SLC25A40: variants seen among roughly 807,000 people sequenced by gnomAD.
SLC25A40 encodes mitochondrial glutathione transporter SLC25A40.
In SLC25A40, 41 loss-of-function variants were observed where a neutral mutation model predicts 46.5. The observed-to-expected ratio is 0.88, with a 90% CI of 0.69 to 1.14. SLC25A40 has a LOEUF of 1.14. Ranked by LOEUF, SLC25A40 falls within the 50% of genes most tolerant of loss-of-function variation. The probability of loss-of-function intolerance (pLI) is 0.00; values close to 1 mark genes in which losing one functional copy is unlikely to be tolerated. For missense variants in SLC25A40, 386 were observed against 393.6 expected, an observed-to-expected ratio of 0.98 and a Z score of 0.16; for synonymous variants, 126 against 127.5, an observed-to-expected ratio of 0.99 and a Z score of 0.08.
intron 3 of SLC25A40, among the ~76,000 whole-genome samples, chr7:87,858,272 C>T (rs1280073526): frequency 6.6e-6 from 1 of 152,166 alleles, no homozygotes; most frequent in East Asian, 1.9e-4. Flanking sequence ...TATCAGGAGT[C>T]TGTGATTTTG....
chr7:87,862,304 G>A (rs983875220), intron 1 of SLC25A40, among the ~76,000 whole-genome samples: 1 of 152,126 alleles, frequency 6.6e-6, no homozygotes, highest in Non-Finnish European at 1.5e-5. Flanking sequence ...GAAATGTTCT[G>A]CAAGAACAGC....
intron 1 of SLC25A40, among the ~76,000 whole-genome samples, chr7:87,871,557 T>C (rs1185169327): frequency 6.6e-6 from 1 of 152,256 alleles, no homozygotes; most frequent in East Asian, 1.9e-4. Context: ...GAATAATTTG[T>C]TATACAGCAA....
intron 5 of SLC25A40, 37 bp downstream of exon 5, chr7:87,854,167 A>C (rs1838563793): frequency 2.2e-6 from 3 of 1,337,950 alleles, no homozygotes; most frequent in Non-Finnish European, 3.2e-6. Context: ...ATTAAATAGA[A>C]AATATACTGT....
At position 87,851,800 on chromosome 7, in the gene SLC25A40, T is replaced by C. The variant is rs557861051; in HGVS notation, c.265-1852A>G. Among the ~76,000 whole-genome samples, 52 of 152,146 alleles carry C rather than the reference T, an allele frequency of 3.4e-4. No individual in the cohort carries two copies. In the South Asian group the frequency reaches 0.011, roughly 31 times the overall value. On this transcript the variant is annotated intron_variant, in intron 5 of 11. Coordinates refer to ENST00000341119, the MANE Select transcript of SLC25A40 (RefSeq NM_018843.4). ...CATCCTTTCTTCCCCATGGAAGCAA[T>C]GACAGAAAAAGACAGCTAAAATAGA...
chr7:87,840,364 T>G (rs1201468152), intron 10 of SLC25A40, among the ~76,000 whole-genome samples: 2 of 151,690 alleles, frequency 1.3e-5, no homozygotes, highest in Admixed American at 1.3e-4. Flanking sequence ...GCTGTAGGTA[T>G]ATTGAATAAG....
intron 1 of SLC25A40, among the ~76,000 whole-genome samples, chr7:87,865,014 G>A (rs891839321): frequency 1.6e-4 from 23 of 145,828 alleles, no homozygotes; most frequent in African/African-American, 4.6e-4. Context: ...TCCTGCTCTG[G>A]TGCCCAAACT....
At position 87,847,865 on chromosome 7, in the gene SLC25A40, T is replaced by C. The variant is rs1838445212; in HGVS notation, c.445A>G (p.Ile149Val). The C allele has an allele frequency of 6.2e-7, 1 of 1,608,610 alleles. No individual in the cohort carries two copies. Among genetic ancestry groups the C allele is most frequent in the East Asian group, 2.2e-5 (1 of 44,642 alleles). ...NETCIPIVAG[I>V]VARFGAVTVI... is the part of the protein sequence containing the mutation. ...ATTTATTACTCACATCTGGCTACAATTCCAGCAACAATTGGTATGCAGGTT... is the reference window on the plus strand; with the variant it reads ...ATTTATTACTCACATCTGGCTACAACTCCAGCAACAATTGGTATGCAGGTT... The change falls in exon 7 of 12, where the codon ATT becomes GTT. Residue 149 changes from isoleucine to valine, a missense_variant. By Grantham distance (29) the Ile-to-Val change is conservative (BLOSUM62 3). Coordinates refer to ENST00000341119, the MANE Select transcript of SLC25A40 (RefSeq NM_018843.4).
intron 5 of SLC25A40, among the ~76,000 whole-genome samples, chr7:87,850,281 A>T (rs1838488271): frequency 6.6e-6 from 1 of 152,242 alleles, no homozygotes; most frequent in Non-Finnish European, 1.5e-5. Flanking sequence ...TTGCTTAAGT[A>T]TGAAATTAGA....
At chr7:87,864,222 A>T (rs1442663208) in intron 1 of SLC25A40, among the ~76,000 whole-genome samples, 1 of 152,190 alleles carries the variant, frequency 6.6e-6, no homozygotes, top group Non-Finnish European at 1.5e-5. Flanking sequence ...TAAAAATTTA[A>T]TTGATATGTA....
chr7:87,854,310 C>A lies in SLC25A40; in HGVS notation c.158G>T (p.Gly53Val). Residue 53 changes from glycine to valine, a missense_variant and splice_region_variant, in exon 5 of 12, where the codon GGA becomes GTA. Physicochemically the swap from Gly to Val is moderately radical, Grantham distance 109 (BLOSUM62 -3). Transcript: ENST00000341119. ...LQAQNNPLPKGKCFVYSNGLM... is the reference protein window; with the variant it reads ...LQAQNNPLPKVKCFVYSNGLM... Reference sequence around the variant, plus strand: ...TCCATTACTATATACAAAACATTTTCCTAACAAAGAAGATTCCAACAACCA... The same window carrying A: ...TCCATTACTATATACAAAACATTTTACTAACAAAGAAGATTCCAACAACCA... 1 of 1,584,310 alleles carries A rather than the reference C, an allele frequency of 6.3e-7. No individual in the cohort carries two copies. The highest frequency in any genetic ancestry group is 8.6e-7 in the Non-Finnish European group (1 of 1,161,392).
At chr7:87,851,450 G>A (rs551230456) in intron 5 of SLC25A40, among the ~76,000 whole-genome samples, 37 of 152,102 alleles carry the variant, frequency 2.4e-4, no homozygotes, top group Admixed American at 1.6e-3. Flanking sequence ...TATCAGCAAA[G>A]GCCAAGTAGG....
chr7:87,838,254 T>C (rs998045729), intron 10 of SLC25A40, among the ~76,000 whole-genome samples: 1 of 151,552 alleles, frequency 6.6e-6, no homozygotes, highest in Non-Finnish European at 1.5e-5. Context: ...AATTATTTCA[T>C]TTAAATTTTA....
chr7:87,874,295 T>TGCAAATAAGACA (rs1838941545), intron 1 of SLC25A40, among the ~76,000 whole-genome samples: 1 of 152,182 alleles, frequency 6.6e-6, no homozygotes, highest in Admixed American at 6.5e-5. Context: ...AATTCATCTT[T>TGCAAATAAGACA]CACAAGACCA....
At chr7:87,850,164 T>C (rs1254951709) in intron 5 of SLC25A40, among the ~76,000 whole-genome samples, 2 of 152,120 alleles carry the variant, frequency 1.3e-5, no homozygotes, top group Non-Finnish European at 2.9e-5. Flanking sequence ...CAGAATGAAG[T>C]CTATATTACT....
chr7:87,841,845 T>C (rs1838341012), intron 9 of SLC25A40, 131 bp from the exon 10 acceptor site: 3 of 417,802 alleles, frequency 7.2e-6, no homozygotes, highest in Admixed American at 4.5e-5. Context: ...TGAAATAATA[T>C]ATATATTTTT....
intron 8 of SLC25A40, among the ~76,000 whole-genome samples, chr7:87,845,683 A>G (rs574840967): frequency 4.6e-5 from 7 of 152,280 alleles, no homozygotes; most frequent in Non-Finnish European, 1.0e-4. Flanking sequence ...GTGGGAGAAA[A>G]ATGAAATTGA....
intron 5 of SLC25A40, among the ~76,000 whole-genome samples, chr7:87,850,622 G>T (rs1318465234): frequency 6.6e-6 from 1 of 151,984 alleles, no homozygotes; most frequent in Non-Finnish European, 1.5e-5. Context: ...TAAAAAATTT[G>T]CTGGGCATGG....
At chr7:87,849,595 T>C (rs963323269) in intron 6 of SLC25A40, among the ~76,000 whole-genome samples, 5 of 152,228 alleles carry the variant, frequency 3.3e-5, no homozygotes, top group African/African-American at 1.2e-4. Flanking sequence ...GGGAGGACTT[T>C]GGAAGCCTAT....
chr7:87,840,027 A>G (rs1838308284), intron 10 of SLC25A40, among the ~76,000 whole-genome samples: 1 of 151,798 alleles, frequency 6.6e-6, no homozygotes, highest in African/African-American at 2.4e-5. Context: ...TACAAGTGCA[A>G]TTTCAACTGA....
Sources: allele counts gnomAD v4.1 joint callset (sites outside exome capture counted in the v4.1 genomes callset), GRCh38; gene constraint gnomAD v4.1.1; transcripts MANE v1.5; gene names NCBI Gene and HGNC (gene_info 2026-07-23, HGNC 2026-07-21).